TRIO: variants seen among roughly 807,000 people sequenced by gnomAD.
TRIO encodes the protein trio Rho guanine nucleotide exchange factor.
Under a neutral mutation model 351.9 loss-of-function variants are expected in TRIO, and 58 were observed. That is an observed-to-expected ratio of 0.16 (90% CI 0.13 to 0.21). TRIO has a LOEUF of 0.21. Among genes scored for constraint, TRIO ranks in the 10% least tolerant of loss-of-function variants. The pLI is 1.00. For missense variants in TRIO, 3,201 were observed against 4,027.8 expected (o/e 0.79, Z 5.56); for synonymous variants, 1,758 against 1,595.7 (o/e 1.10, Z -2.42).
intron 1 of TRIO, among the ~76,000 whole-genome samples, chr5:14,176,838 A>G (rs1190721689): frequency 6.6e-6 from 1 of 152,232 alleles, no homozygotes; most frequent in Non-Finnish European, 1.5e-5. Flanking sequence ...GGAAAGAGCC[A>G]AAACATTTAA....
chr5:14,247,582 A>T (rs1179736341), intron 1 of TRIO, among the ~76,000 whole-genome samples: 1 of 152,232 alleles, frequency 6.6e-6, no homozygotes, highest in Non-Finnish European at 1.5e-5. Context: ...TCCTTGTAGG[A>T]CACATACATA....
At chr5:14,267,283 G>C (rs1795740757) in intron 1 of TRIO, among the ~76,000 whole-genome samples, 1 of 152,092 alleles carries the variant, frequency 6.6e-6, no homozygotes, top group Non-Finnish European at 1.5e-5. Context: ...TGGTGGCACT[G>C]AGAAGTAGAA....
rs117919196 is a variant in TRIO at position 14,487,106 on chromosome 5, C to A, written c.6836-358C>A. On this transcript the variant is annotated intron_variant, in intron 47 of 56. Transcript: ENST00000344204. ...GTGGTCTATGAAACCGCCTCCACGGCAGCCCCAGGGTTTCTTTTTCACCCC... is the reference window on the plus strand; with the variant it reads ...GTGGTCTATGAAACCGCCTCCACGGAAGCCCCAGGGTTTCTTTTTCACCCC... Among the ~76,000 whole-genome samples, 1,390 of 152,272 alleles carry A rather than the reference C, an allele frequency of 9.1e-3. 89 individuals are homozygous for A. The highest frequency in any genetic ancestry group is 0.079 in the Admixed American group (1,206 of 15,294).
At chr5:14,470,078 A>G (rs1561528083) in intron 37 of TRIO, among the ~76,000 whole-genome samples, 1 of 152,208 alleles carries the variant, frequency 6.6e-6, no homozygotes, top group Non-Finnish European at 1.5e-5. Context: ...CTCAATGGCT[A>G]TTTATTTAAA....
chr5:14,401,171 G>T (rs190660614), intron 31 of TRIO, 107 bp downstream of exon 31: 45 of 821,112 alleles, frequency 5.5e-5, no homozygotes, highest in Middle Eastern at 4.7e-4. Flanking sequence ...GTTGTTGTTT[G>T]TGTGTGTGTG....
At position 14,396,418 on chromosome 5, in the gene TRIO, A is replaced by C. The variant is rs192502322; in HGVS notation, c.4312-625A>C. Among the ~76,000 whole-genome samples, 5 of 138,600 alleles carry C rather than the reference A, an allele frequency of 3.6e-5. No individual in the cohort carries two copies. The East Asian group carries it at 1.1e-3, about 31-fold the overall frequency. The allele number at this position is 138,600 out of a possible 152,430, so 90.9% of individuals were successfully genotyped here. A position where few individuals can be genotyped will look rare whatever the true frequency, so the allele number is the denominator to read the frequency against. Reference sequence around the variant, plus strand: ...TAACCAGTAGCTGATGGTGTGTTACATAATAATTAAATATTTCTATTTATC... The same window carrying C: ...TAACCAGTAGCTGATGGTGTGTTACCTAATAATTAAATATTTCTATTTATC... On this transcript the variant is annotated intron_variant, in intron 28 of 56. Transcript: ENST00000344204.
At chr5:14,202,307 T>A (rs1192819730) in intron 1 of TRIO, among the ~76,000 whole-genome samples, 2 of 90,358 alleles carry the variant, frequency 2.2e-5, no homozygotes, top group Admixed American at 1.0e-4. Context: ...TTTTTTTTTT[T>A]TTTTTTTTTT....
At chr5:14,468,479 T>C (rs958557295) in intron 37 of TRIO, among the ~76,000 whole-genome samples, 2 of 152,256 alleles carry the variant, frequency 1.3e-5, no homozygotes, top group Non-Finnish European at 1.5e-5. Context: ...GTTTGTACTT[T>C]ATGTGATAGG....
At chr5:14,414,018 C>A (rs1475599951) in intron 33 of TRIO, among the ~76,000 whole-genome samples, 1 of 152,220 alleles carries the variant, frequency 6.6e-6, no homozygotes, top group Non-Finnish European at 1.5e-5. Context: ...AATTAAGCTT[C>A]CTCAATAAAA....
At chr5:14,482,220 G>C (rs567922039) in intron 45 of TRIO, among the ~76,000 whole-genome samples, 3 of 152,186 alleles carry the variant, frequency 2.0e-5, no homozygotes, top group Non-Finnish European at 2.9e-5. Context: ...CGCACACACA[G>C]AGGCCGTTGG....
At chr5:14,171,795 C>T (rs564071368) in intron 1 of TRIO, among the ~76,000 whole-genome samples, 6 of 152,082 alleles carry the variant, frequency 3.9e-5, no homozygotes, top group African/African-American at 7.2e-5. Flanking sequence ...GGGGGATGGT[C>T]GGTGGTTAGT....
At chr5:14,226,300 C>G (rs998183465) in intron 1 of TRIO, among the ~76,000 whole-genome samples, 5 of 140,574 alleles carry the variant, frequency 3.6e-5, no homozygotes, top group Non-Finnish European at 7.9e-5. Context: ...GAGGGAACTT[C>G]AAGTCCTTTT....
chr5:14,171,809 T>C lies in TRIO; in HGVS notation c.157+27927T>C, dbSNP rs1329074414. 2.0e-5 allele frequency among the ~76,000 whole-genome samples: 3 copies of C among 152,104 alleles called. No homozygotes were observed. In the East Asian group the frequency reaches 5.8e-4, roughly 29 times the overall value. Reference sequence around the variant, plus strand: ...GGGGGGATGGTCGGTGGTTAGTAGATATGTGGACCTAGAGTAGCCTTTTCA... The same window carrying C: ...GGGGGGATGGTCGGTGGTTAGTAGACATGTGGACCTAGAGTAGCCTTTTCA... On this transcript the variant is annotated intron_variant, in intron 1 of 56. Transcript: ENST00000344204.
At chr5:14,161,354 G>A (rs1271605276) in intron 1 of TRIO, among the ~76,000 whole-genome samples, 1 of 152,086 alleles carries the variant, frequency 6.6e-6, no homozygotes, top group Non-Finnish European at 1.5e-5. Flanking sequence ...CTTCTTCCTG[G>A]TTTCCCTTCC....
intron 30 of TRIO, 135 bp downstream of exon 30, chr5:14,399,205 A>G (rs1485119445): frequency 4.7e-6 from 4 of 850,282 alleles, no homozygotes; most frequent in Non-Finnish European, 7.4e-6. Flanking sequence ...GAATTGTGGT[A>G]GGGTTTTCAT....
At chr5:14,423,204 C>T (rs1170084585) in intron 34 of TRIO, among the ~76,000 whole-genome samples, 2 of 152,196 alleles carry the variant, frequency 1.3e-5, no homozygotes, top group South Asian at 2.1e-4. Context: ...TGCTGTCTGC[C>T]GTTACCTCAG....
chr5:14,385,828 T>C (rs1746494239), intron 21 of TRIO, among the ~76,000 whole-genome samples: 2 of 152,262 alleles, frequency 1.3e-5, no homozygotes, highest in South Asian at 4.1e-4. Flanking sequence ...ATAATTCTTG[T>C]TTAATTTTGG....
chr5:14,499,833 C>T (rs1248911383), intron 53 of TRIO, among the ~76,000 whole-genome samples: 1 of 151,728 alleles, frequency 6.6e-6, no homozygotes, highest in Non-Finnish European at 1.5e-5. Context: ...GGGTGGATCA[C>T]CAGGTCAGGA....
chr5:14,212,595 C>T (rs1791977052), intron 1 of TRIO, among the ~76,000 whole-genome samples: 1 of 152,002 alleles, frequency 6.6e-6, no homozygotes, highest in Non-Finnish European at 1.5e-5. Flanking sequence ...GCAGAAGTGC[C>T]TGAGGAAGGC....
Sources: gnomAD v4.1 joint callset for allele counts (sites outside exome capture counted in the v4.1 genomes callset) on GRCh38, gnomAD v4.1.1 for gene constraint, MANE v1.5 for transcripts, NCBI Gene and HGNC (gene_info 2026-07-23, HGNC 2026-07-21) for gene names.